The following CACNA1C variants were observed in gnomAD, a reference collection of about 807,000 sequenced individuals.
CACNA1C encodes the protein calcium voltage-gated channel subunit alpha1 C, also known as voltage-dependent L-type calcium channel subunit alpha-1C.
Under a neutral mutation model 229.0 loss-of-function variants are expected in CACNA1C, and 30 were observed. The observed-to-expected ratio is 0.13, with a 90% CI of 0.10 to 0.18. The LOEUF (loss-of-function observed/expected upper bound fraction) is 0.18. CACNA1C is among the 10% of genes least tolerant of loss of function. CACNA1C has a pLI of 1.00. For synonymous variants in CACNA1C, 1,114 were observed against 1,132.5 expected (o/e 0.98, Z 0.33); for missense variants, 1,658 against 2,845.0 (o/e 0.58, Z 9.49).
chr12:2,120,656 C>CTCTGTG (rs367644903), intron 3 of CACNA1C, among the ~76,000 whole-genome samples: 1 of 139,778 alleles, frequency 7.2e-6, no homozygotes, highest in East Asian at 2.2e-4. Flanking sequence ...GTGGTGAGCT[C>CTCTGTG]TGTGTGTGTG....
chr12:2,345,485 A>G (rs998573753), intron 3 of CACNA1C, among the ~76,000 whole-genome samples: 19 of 152,224 alleles, frequency 1.2e-4, no homozygotes, highest in African/African-American at 4.3e-4. Flanking sequence ...TATTACACAT[A>G]CTAACTCAGT....
chr12:2,278,465 T>TA (rs1233071518), intron 3 of CACNA1C, among the ~76,000 whole-genome samples: 2 of 152,212 alleles, frequency 1.3e-5, no homozygotes, highest in Middle Eastern at 3.2e-3. Context: ...GATTAGTTTA[T>TA]ATTTTCTATT....
intron 9 of CACNA1C, among the ~76,000 whole-genome samples, chr12:2,522,136 G>A (rs949564117): frequency 6.6e-5 from 10 of 152,164 alleles, no homozygotes; most frequent in East Asian, 5.8e-4. Flanking sequence ...CGAAGAGCAC[G>A]TCTTGGCTCA....
At chr12:2,049,647 G>T (rs1860046), upstream of CACNA1C, among the ~76,000 whole-genome samples, 16,138 of 152,200 alleles carry the variant, frequency 0.11, 1,127 homozygotes, top group African/African-American at 0.19. Flanking sequence ...GAAGAGGAGA[G>T]AAAAAGGCTC....
chr12:2,079,164 G>T (rs2064456489), intron 1 of CACNA1C, among the ~76,000 whole-genome samples: 1 of 151,424 alleles, frequency 6.6e-6, no homozygotes, highest in Non-Finnish European at 1.5e-5. Flanking sequence ...AGCATTAGGA[G>T]ATATACCTAA....
At chr12:2,240,223 C>T (rs763677522) in intron 3 of CACNA1C, among the ~76,000 whole-genome samples, 2 of 152,186 alleles carry the variant, frequency 1.3e-5, no homozygotes, top group Non-Finnish European at 1.5e-5. Flanking sequence ...TCGATTGTTT[C>T]CTGCTCAGCT....
At chr12:2,158,974 G>A (rs1490147041) in intron 3 of CACNA1C, among the ~76,000 whole-genome samples, 1 of 152,022 alleles carries the variant, frequency 6.6e-6, no homozygotes. Context: ...ATAGGGAAGA[G>A]GTGAAAGAGG....
At chr12:2,615,781 T>G (rs74053882) in intron 29 of CACNA1C, among the ~76,000 whole-genome samples, 1,750 of 152,266 alleles carry the variant, frequency 0.011, 27 homozygotes, top group African/African-American at 0.034. Flanking sequence ...GTCACTTAGT[T>G]GCCTGAGGTT....
In CACNA1C at chr12:2,595,589, CA is replaced by C; in HGVS notation, c.2664-281del. On this transcript the variant is annotated intron_variant, in intron 19 of 46. Transcript: ENST00000399655. This position sits in a 1 kb window ranked among gnomAD's most constrained non-coding sequence, Gnocchi z 4.1. ...ATGATAGGGAAAATAAGTCCCCAAA[CA>C]AAAGCCAGTTATGAATGTCAGAGCA... is the stretch of plus-strand genomic sequence containing the variant. Among the ~76,000 whole-genome samples, 1 of 152,260 alleles carries C rather than the reference CA, an allele frequency of 6.6e-6. No homozygotes were observed. The highest frequency in any genetic ancestry group is 1.5e-5 in the Non-Finnish European group (1 of 68,018).
At chr12:2,607,189 C>T in intron 26 of CACNA1C, 59 bp downstream of exon 26, 1 of 1,528,572 alleles carries the variant, frequency 6.5e-7, no homozygotes, top group East Asian at 2.4e-5. Context: ...TACTGACTTT[C>T]CAGCCCATCC....
rs1203881325 is a variant in CACNA1C, at chr12:2,268,149, A to G, written c.477+147719A>G. Among the ~76,000 whole-genome samples the G allele has an allele frequency of 2.6e-5, 4 of 152,162 alleles. No homozygotes were observed. The East Asian group carries it at 7.7e-4, about 29-fold the overall frequency. On this transcript the variant is annotated intron_variant, in intron 3 of 46. Coordinates refer to ENST00000399655, the MANE Select transcript of CACNA1C (RefSeq NM_000719.7). ...TGTCAGCAAACCTTGACTGGCTCCA[A>G]ACATTTTCACTTCAGGTGGTTTCTG...
At chr12:2,145,621 G>A (rs1235914686) in intron 3 of CACNA1C, among the ~76,000 whole-genome samples, 1 of 151,264 alleles carries the variant, frequency 6.6e-6, no homozygotes, top group Non-Finnish European at 1.5e-5. Context: ...CAGGCACTGG[G>A]CAAGGGGCAT....
chr12:2,186,879 A>G (rs1043799777), intron 3 of CACNA1C, among the ~76,000 whole-genome samples: 1 of 152,122 alleles, frequency 6.6e-6, no homozygotes, highest in Non-Finnish European at 1.5e-5. Context: ...CCTGACCCAG[A>G]GTGTATTATC....
intron 34 of CACNA1C, among the ~76,000 whole-genome samples, chr12:2,657,654 T>G (rs537402295): frequency 1.3e-5 from 2 of 152,288 alleles, no homozygotes; most frequent in Admixed American, 6.5e-5. Flanking sequence ...GCTAAACTTA[T>G]TGAGGTAAAG....
intron 3 of CACNA1C, among the ~76,000 whole-genome samples, chr12:2,187,512 G>T (rs2154292161): frequency 7.0e-6 from 1 of 143,148 alleles, no homozygotes; most frequent in African/African-American, 2.7e-5. Context: ...TCTTCCCAAG[G>T]CTGAGCATCT....
At chr12:1,975,792 T>G (rs998475626) in intron 1 of CACNA1C, among the ~76,000 whole-genome samples, 2 of 152,192 alleles carry the variant, frequency 1.3e-5, no homozygotes, top group African/African-American at 4.8e-5. Context: ...ACATGGGTTT[T>G]TCCTCACCTC....
chr12:2,556,148 G>A (rs2044135479), intron 10 of CACNA1C, among the ~76,000 whole-genome samples: 1 of 151,998 alleles, frequency 6.6e-6, no homozygotes, highest in Admixed American at 6.6e-5. Context: ...CTCTCTCTTT[G>A]GCTCAGCCTT....
chr12:2,231,045 A>C (rs1399713921), intron 3 of CACNA1C, among the ~76,000 whole-genome samples: 3 of 152,218 alleles, frequency 2.0e-5, no homozygotes, highest in African/African-American at 7.2e-5. Flanking sequence ...ACAGATACGC[A>C]CAAAGGTCAG....
chr12:2,639,995 C>T lies in CACNA1C; in HGVS notation c.3912+5615C>T, dbSNP rs139207509. Among the ~76,000 whole-genome samples, 69 of 152,302 alleles carry T rather than the reference C, an allele frequency of 4.5e-4. No individual in the cohort carries two copies. Among genetic ancestry groups the T allele is most frequent in the African/African-American group, 1.6e-3 (68 of 41,562 alleles). ...ATTGCTGGAGGCTTTGCACGATGCA[C>T]AGGAGTGTCCAGAGCAGGGAAATAA... On this transcript the variant is annotated intron_variant, in intron 30 of 46. Coordinates refer to ENST00000399655, the MANE Select transcript of CACNA1C (RefSeq NM_000719.7). The surrounding 1 kb of genome is among the most constrained non-coding windows in gnomAD (Gnocchi z 4.2).
Sources: allele counts gnomAD v4.1 joint callset (sites outside exome capture counted in the v4.1 genomes callset), GRCh38; gene constraint gnomAD v4.1.1; non-coding constraint Gnocchi (gnomAD v3.1); transcripts MANE v1.5; gene names NCBI Gene and HGNC (gene_info 2026-07-23, HGNC 2026-07-21).